TMEM91: variants seen among roughly 807,000 people sequenced by gnomAD.
TMEM91 encodes dispanin subfamily C member 3.
In TMEM91, 6 loss-of-function variants were observed where a neutral mutation model predicts 13.3. The ratio of observed to expected loss-of-function variants is 0.45; its 90% CI spans 0.25 to 0.89. The LOEUF is 0.89. Ranked by LOEUF, TMEM91 falls within the 40% of genes least tolerant of loss-of-function variation. The pLI, the probability that TMEM91 is intolerant of heterozygous loss-of-function variation, is 0.19. For synonymous variants in TMEM91, 87 were observed against 101.7 expected (o/e 0.86, Z 0.87); for missense variants, 193 against 228.7 (o/e 0.84, Z 1.01).
chr19:41,378,088 C>G (rs1482899248), intron 1 of TMEM91, among the ~76,000 whole-genome samples, 193 bp from the exon 2 acceptor site: 5 of 151,296 alleles, frequency 3.3e-5, no homozygotes, highest in Non-Finnish European at 5.9e-5. Context: ...ATTGAATGTC[C>G]AGACCCCTGA....
At chr19:41,365,862 C>A (rs1397295015) in intron 1 of TMEM91, among the ~76,000 whole-genome samples, 1 of 151,262 alleles carries the variant, frequency 6.6e-6, no homozygotes, top group Non-Finnish European at 1.5e-5. Flanking sequence ...AGGCACCCAC[C>A]ACTATATCTA....
chr19:41,365,694 C>T (rs963485959), intron 1 of TMEM91, among the ~76,000 whole-genome samples: 2 of 147,186 alleles, frequency 1.4e-5, no homozygotes, highest in South Asian at 2.2e-4. Context: ...CGTTAGCCAC[C>T]GTGACCGGCC....
chr19:41,367,763 G>A (rs139346615), intron 1 of TMEM91, among the ~76,000 whole-genome samples: 1,961 of 152,270 alleles, frequency 0.013, 42 homozygotes, highest in African/African-American at 0.045. Context: ...CCCAGTAGCT[G>A]GGACTACAGG....
intron 2 of TMEM91, 149 bp from the exon 3 acceptor site, chr19:41,382,623 C>T: frequency 8.8e-7 from 1 of 1,136,428 alleles, no homozygotes; most frequent in Non-Finnish European, 1.2e-6. Flanking sequence ...CAAACAAACA[C>T]CGAAAGCCCA....
At chr19:41,364,636 CAAGG>C (rs1018064684) in intron 1 of TMEM91, among the ~76,000 whole-genome samples, 3 of 151,860 alleles carry the variant, frequency 2.0e-5, no homozygotes, top group South Asian at 2.1e-4. Context: ...TTCTCAAGGA[CAAGG>C]AAGGAAGGAA....
At chr19:41,366,581 T>C (rs1431552750) in intron 1 of TMEM91, among the ~76,000 whole-genome samples, 1 of 152,130 alleles carries the variant, frequency 6.6e-6, no homozygotes, top group African/African-American at 2.4e-5. Flanking sequence ...AGTCTTATCA[T>C]GCATGACAAG....
chr19:41,378,366 T>A lies in TMEM91; in HGVS notation c.57T>A (p.Cys19Ter), dbSNP rs2038778287. 3 of 1,614,222 alleles carry A rather than the reference T, an allele frequency of 1.9e-6. No individual in the cohort carries two copies. Among genetic ancestry groups the A allele is most frequent in the East Asian group, 2.2e-5 (1 of 44,872 alleles). ...LQQPLLEGTE[C>*]ETPAQKPGRH... ...AGCCTCTGCTGGAGGGCACAGAATGTGAGACCCCTGCCCAGAAGCCTGGCA... is the reference window on the plus strand; with the variant it reads ...AGCCTCTGCTGGAGGGCACAGAATGAGAGACCCCTGCCCAGAAGCCTGGCA... Residue 19 changes from cysteine to a stop codon, truncating the protein, a stop_gained, in exon 2 of 4, where the codon TGT (cysteine) becomes TGA (stop). Coordinates refer to ENST00000392002, the MANE Select transcript of TMEM91 (RefSeq NM_001098821.2). LOFTEE classifies it high-confidence loss of function.
chr19:41,366,438 G>A (rs1421893919), intron 1 of TMEM91, among the ~76,000 whole-genome samples: 2 of 152,096 alleles, frequency 1.3e-5, no homozygotes, highest in African/African-American at 4.8e-5. Flanking sequence ...CAGGGACCTT[G>A]TCTCTGGGGT....
chr19:41,370,088 A>AT (rs1441458265), intron 1 of TMEM91, among the ~76,000 whole-genome samples: 1 of 151,694 alleles, frequency 6.6e-6, no homozygotes, highest in Non-Finnish European at 1.5e-5. Context: ...TTATTTATTT[A>AT]TTTTTTGAGA....
rs145155810 is a variant in TMEM91, at chr19:41,379,749, T to C, written c.210+1230T>C. Among the ~76,000 whole-genome samples, 1,208 of 151,964 alleles carry C rather than the reference T, an allele frequency of 7.9e-3. 7 individuals carry two copies. Among genetic ancestry groups the C allele is most frequent in the Non-Finnish European group, 0.014 (948 of 67,946 alleles). On this transcript the variant is annotated intron_variant, in intron 2 of 3. Transcript: ENST00000392002. Reference sequence around the variant, plus strand: ...TCATGATGAACTCTTACGGTTTCTGTTGGTCAGGAATTTGGGACTTAGTTG... The same window carrying C: ...TCATGATGAACTCTTACGGTTTCTGCTGGTCAGGAATTTGGGACTTAGTTG...
chr19:41,378,654 C>A, intron 2 of TMEM91, 135 bp downstream of exon 2: 2 of 857,270 alleles, frequency 2.3e-6, no homozygotes, highest in Non-Finnish European at 3.5e-6. Context: ...TGTGTGTGGG[C>A]TTCTGAGATT....
chr19:41,371,347 TTCCTTCCTTC>T (rs1387641527), intron 1 of TMEM91, among the ~76,000 whole-genome samples: 1 of 148,814 alleles, frequency 6.7e-6, no homozygotes, highest in African/African-American at 2.5e-5. Flanking sequence ...CCTTCCTTCC[TTCCTTCCTTC>T]CTTCCTTCCT....
intron 1 of TMEM91, among the ~76,000 whole-genome samples, chr19:41,367,829 C>A (rs2038552715): frequency 6.6e-6 from 1 of 152,070 alleles, no homozygotes; most frequent in Non-Finnish European, 1.5e-5. Flanking sequence ...GAGACATGGT[C>A]TCACTCTGTT....
intron 1 of TMEM91, among the ~76,000 whole-genome samples, chr19:41,368,990 C>T (rs1284746631): frequency 6.6e-6 from 1 of 151,958 alleles, no homozygotes; most frequent in Non-Finnish European, 1.5e-5. Flanking sequence ...GTGGCATGCC[C>T]CTGTAGTCCC....
chr19:41,380,319 C>T (rs1431507349), intron 2 of TMEM91, among the ~76,000 whole-genome samples: 1 of 152,178 alleles, frequency 6.6e-6, no homozygotes, highest in Non-Finnish European at 1.5e-5. Context: ...TGCAGCAAAG[C>T]AGAAGCTGCC....
upstream of TMEM91, among the ~76,000 whole-genome samples, chr19:41,373,024 C>T (rs568630432): frequency 6.6e-6 from 1 of 152,126 alleles, no homozygotes; most frequent in Non-Finnish European, 1.5e-5. Context: ...CTGCAACCTC[C>T]ACCTCCTGGG....
chr19:41,364,598 C>G (rs77854660), intron 1 of TMEM91, among the ~76,000 whole-genome samples: 1 of 151,916 alleles, frequency 6.6e-6, no homozygotes, highest in East Asian at 1.9e-4. Context: ...GGAGTGGGTT[C>G]TGCTTCCGTT....
chr19:41,382,659 A>G (rs1481344232), intron 2 of TMEM91, 113 bp from the exon 3 acceptor site: 5 of 1,404,808 alleles, frequency 3.6e-6, no homozygotes, highest in Non-Finnish European at 3.8e-6. Context: ...TTCTCTTTGT[A>G]TCTCTGGGGA....
At position 41,369,602 on chromosome 19, in the gene TMEM91, C is replaced by T. The variant is rs140822953; in HGVS notation, c.-30+5507C>T. The stretch of plus-strand genomic sequence containing the variant: ...GGCAGATCACTTGAGGTCAGGAGTT[C>T]GAGACAAGCCTGGCCAACATGGTGA... On this transcript the variant is annotated intron_variant, in intron 1 of 3. Transcript: ENST00000413014. Among the ~76,000 whole-genome samples the T allele has an allele frequency of 9.0e-3, 1,358 of 151,270 alleles. 17 individuals are homozygous for T. The highest frequency in any genetic ancestry group is 0.03 in the African/African-American group (1,231 of 41,210).
Sources: allele counts gnomAD v4.1 joint callset (sites outside exome capture counted in the v4.1 genomes callset), GRCh38; gene constraint gnomAD v4.1.1; transcripts MANE v1.5; gene names NCBI Gene and HGNC (gene_info 2026-07-23, HGNC 2026-07-21).